RGS7: variants seen among roughly 807,000 people sequenced by gnomAD.
RGS7 encodes the protein regulator of G protein signaling 7.
RGS7 carries 27 observed loss-of-function variants against 81.1 expected under a neutral mutation model. The ratio of observed to expected loss-of-function variants is 0.33; its 90% CI spans 0.25 to 0.46. RGS7 has a LOEUF of 0.46. RGS7 is among the 20% of genes least tolerant of loss of function. The probability of loss-of-function intolerance (pLI) is 1.00; values close to 1 mark genes in which losing one functional copy is unlikely to be tolerated. For synonymous variants in RGS7, 208 were observed against 207.7 expected, an observed-to-expected ratio of 1.00 and a Z score of -0.01; for missense variants, 396 against 607.4, an observed-to-expected ratio of 0.65 and a Z score of 3.66.
chr1:240,841,234 T>TA (rs1003384210), intron 9 of RGS7, among the ~76,000 whole-genome samples: 2 of 152,200 alleles, frequency 1.3e-5, no homozygotes, highest in African/African-American at 4.8e-5. Context: ...ACTGGGAACT[T>TA]ACAAAGCCTC....
intron 2 of RGS7, among the ~76,000 whole-genome samples, chr1:241,176,711 G>A (rs1191812027): frequency 6.6e-6 from 1 of 152,012 alleles, no homozygotes; most frequent in East Asian, 1.9e-4. Flanking sequence ...CCTTGGATAT[G>A]GCTGACTGTA....
intron 2 of RGS7, among the ~76,000 whole-genome samples, chr1:241,209,257 G>A (rs912320748): frequency 2.6e-5 from 4 of 152,080 alleles, no homozygotes; most frequent in South Asian, 2.1e-4. Context: ...GTGTGATAAC[G>A]CTCAGCCTAG....
At chr1:240,815,157 G>A (rs1028354645) in intron 11 of RGS7, among the ~76,000 whole-genome samples, 3 of 152,054 alleles carry the variant, frequency 2.0e-5, no homozygotes, top group African/African-American at 7.2e-5. Context: ...GGCCAACATA[G>A]TGAGACCCTG....
chr1:241,172,357 T>C (rs2070794434), intron 2 of RGS7, among the ~76,000 whole-genome samples: 1 of 151,990 alleles, frequency 6.6e-6, no homozygotes, highest in South Asian at 2.1e-4. Flanking sequence ...AGTAAAATAG[T>C]AAAATAAGAG....
At chr1:240,957,330 G>A (rs541898670) in intron 4 of RGS7, among the ~76,000 whole-genome samples, 19 of 152,170 alleles carry the variant, frequency 1.2e-4, no homozygotes, top group African/African-American at 4.6e-4. Context: ...TCAGGTCTTC[G>A]GCCACACACT....
chr1:240,813,174 G>A (rs1260083431), intron 13 of RGS7, among the ~76,000 whole-genome samples: 1 of 152,196 alleles, frequency 6.6e-6, no homozygotes, highest in Non-Finnish European at 1.5e-5. Context: ...TGTCTTGCCA[G>A]TTTCTCTTAC....
intron 3 of RGS7, among the ~76,000 whole-genome samples, chr1:241,005,805 G>A (rs1220018461): frequency 6.6e-6 from 1 of 152,158 alleles, no homozygotes; most frequent in Non-Finnish European, 1.5e-5. Flanking sequence ...AAAGTGCTGA[G>A]ATTACAGGCG....
chr1:240,933,104 C>G (rs149497983), intron 5 of RGS7, among the ~76,000 whole-genome samples: 3,588 of 141,428 alleles, frequency 0.025, 91 homozygotes, highest in South Asian at 0.066. Flanking sequence ...GGATGGTCTC[C>G]ATCTCCTGAC....
At chr1:240,790,000 CT>C (rs1243394286) in intron 18 of RGS7, among the ~76,000 whole-genome samples, 1 of 152,196 alleles carries the variant, frequency 6.6e-6, no homozygotes, top group Non-Finnish European at 1.5e-5. Flanking sequence ...TAAAATTTCT[CT>C]CTTTTGTACT....
intron 6 of RGS7, among the ~76,000 whole-genome samples, chr1:240,872,768 C>T (rs1396979036): frequency 6.6e-6 from 1 of 152,146 alleles, no homozygotes; most frequent in East Asian, 1.9e-4. Flanking sequence ...AAAATGAATG[C>T]ACTCATGCAT....
intron 2 of RGS7, among the ~76,000 whole-genome samples, chr1:241,273,184 C>G (rs928323247): frequency 2.1e-5 from 3 of 144,176 alleles, no homozygotes; most frequent in Non-Finnish European, 3.0e-5. Context: ...AACCCCCCCC[C>G]CCAAAGGATA....
chr1:241,158,224 C>G (rs1265709072), intron 2 of RGS7, among the ~76,000 whole-genome samples: 1 of 152,156 alleles, frequency 6.6e-6, no homozygotes, highest in Non-Finnish European at 1.5e-5. Context: ...TGACAGATAC[C>G]TGAAAGCCAA....
chr1:241,091,344 C>T (rs904507975), intron 3 of RGS7, among the ~76,000 whole-genome samples: 4 of 151,402 alleles, frequency 2.6e-5, no homozygotes, highest in East Asian at 2.0e-4. Flanking sequence ...GTAGGGAGAT[C>T]GAGACCATCT....
intron 2 of RGS7, among the ~76,000 whole-genome samples, chr1:241,314,560 T>C (rs1269783950): frequency 6.6e-6 from 1 of 152,246 alleles, no homozygotes; most frequent in Non-Finnish European, 1.5e-5. Context: ...GTCATATTCA[T>C]TTATCAAGGT....
chr1:241,221,045 AAGAAAGAAAGAAAGAG>A (rs1558203983), intron 2 of RGS7, among the ~76,000 whole-genome samples: 13 of 100,326 alleles, frequency 1.3e-4, no homozygotes, highest in South Asian at 4.2e-4. Flanking sequence ...AAGGAAAAGA[AAGAAAGAAAGAAAGAG>A]AGAGAGAGAG....
At chr1:241,042,848 G>A (rs2060696037) in intron 3 of RGS7, among the ~76,000 whole-genome samples, 1 of 151,814 alleles carries the variant, frequency 6.6e-6, no homozygotes, top group Non-Finnish European at 1.5e-5. Flanking sequence ...GCTGAGGCAG[G>A]AGAATCTTTT....
At chr1:240,833,119 G>A (rs902835352) in intron 9 of RGS7, among the ~76,000 whole-genome samples, 4 of 152,080 alleles carry the variant, frequency 2.6e-5, no homozygotes, top group Admixed American at 6.5e-5. Flanking sequence ...GCCTCACTGC[G>A]CTTGGGCTTT....
rs2077373865 is a variant in RGS7, at chr1:241,262,226, G to A, written c.78+93473C>T. On this transcript the variant is annotated intron_variant, in intron 2 of 18. Coordinates refer to ENST00000440928, the MANE Select transcript of RGS7 (RefSeq NM_001364886.1). ...CTGTATGGGTCCCAAATACTGCAGAGGCTACAGAAGAGATCCATGTCTCTA... is the reference window on the plus strand; with the variant it reads ...CTGTATGGGTCCCAAATACTGCAGAAGCTACAGAAGAGATCCATGTCTCTA... Among the ~76,000 whole-genome samples, 4 of 152,140 alleles carry A rather than the reference G, an allele frequency of 2.6e-5. No individual in the cohort carries two copies. In the South Asian group the frequency reaches 8.3e-4, roughly 32 times the overall value.
At chr1:240,811,767 C>T in intron 14 of RGS7, 151 bp downstream of exon 14, 1 of 752,798 alleles carries the variant, frequency 1.3e-6, no homozygotes, top group Admixed American at 2.1e-5. Flanking sequence ...CTTGCTATCT[C>T]TTTTCCCTTC....
Sources: allele counts gnomAD v4.1 joint callset (sites outside exome capture counted in the v4.1 genomes callset), GRCh38; gene constraint gnomAD v4.1.1; transcripts MANE v1.5; gene names NCBI Gene and HGNC (gene_info 2026-07-23, HGNC 2026-07-21).